DNAJA1: variants seen among roughly 807,000 people sequenced by gnomAD.
DNAJA1 encodes the protein DnaJ heat shock protein family (Hsp40) member A1.
A neutral mutation model predicts 47.6 loss-of-function variants in DNAJA1; 26 were observed. That is an observed-to-expected ratio of 0.55 (90% confidence interval 0.40 to 0.76). The LOEUF (loss-of-function observed/expected upper bound fraction) is 0.76, where lower values mean the gene tolerates loss of function less well. DNAJA1 is among the 30% of genes least tolerant of loss of function. The probability of loss-of-function intolerance (pLI) is 0.00; values close to 1 mark genes in which losing one functional copy is unlikely to be tolerated. For missense variants in DNAJA1, 315 were observed against 485.0 expected (o/e 0.65, Z 3.29); for synonymous variants, 165 against 158.4 (o/e 1.04, Z -0.31).
chr9:33,034,031 T>C (rs1838999790), intron 5 of DNAJA1, among the ~76,000 whole-genome samples, 185 bp from the exon 6 acceptor site: 1 of 152,216 alleles, frequency 6.6e-6, no homozygotes, highest in African/African-American at 2.4e-5. Flanking sequence ...TCTCTTTGCC[T>C]CTGGAGTTTG....
chr9:33,034,386 TGTTTTTTG>T (rs1839004674), intron 6 of DNAJA1, 56 bp downstream of exon 6: 1 of 1,401,720 alleles, frequency 7.1e-7, no homozygotes. Flanking sequence ...TTGTTGGTTT[TGTTTTTTG>T]TTTTTTTGTT....
At chr9:33,027,565 T>G (rs963148293) in intron 3 of DNAJA1, among the ~76,000 whole-genome samples, 2 of 151,778 alleles carry the variant, frequency 1.3e-5, no homozygotes, top group Non-Finnish European at 2.9e-5. Flanking sequence ...AAACAAATTA[T>G]GAGAACAGGC....
At chr9:33,035,923 C>T (rs976912728) in intron 6 of DNAJA1, among the ~76,000 whole-genome samples, 2 of 152,168 alleles carry the variant, frequency 1.3e-5, no homozygotes, top group Admixed American at 6.5e-5. Flanking sequence ...GTTAGAGTCC[C>T]TTTAAATTGG....
chr9:33,037,489 C>T (rs544442852), intron 8 of DNAJA1, among the ~76,000 whole-genome samples: 4 of 152,194 alleles, frequency 2.6e-5, no homozygotes, highest in African/African-American at 9.6e-5. Flanking sequence ...AAAGGCCAGC[C>T]TGGGCAACAT....
At chr9:33,033,536 A>T (rs1838992812) in intron 5 of DNAJA1, among the ~76,000 whole-genome samples, 1 of 148,234 alleles carries the variant, frequency 6.7e-6, no homozygotes, top group African/African-American at 2.5e-5. Context: ...ATCTCTATTA[A>T]AAAAAAAAAA....
intron 1 of DNAJA1, among the ~76,000 whole-genome samples, chr9:33,025,586 T>C (rs927967111): frequency 6.6e-6 from 1 of 152,002 alleles, no homozygotes; most frequent in Non-Finnish European, 1.5e-5. Flanking sequence ...GCCCGAGACC[T>C]TTCCTAGACC....
chr9:33,029,808 C>T (rs1019798400), intron 3 of DNAJA1, 77 bp from the exon 4 acceptor site: 136 of 1,193,646 alleles, frequency 1.1e-4, no homozygotes, highest in Non-Finnish European at 1.6e-4. Flanking sequence ...TTCTTTGCCA[C>T]ATTCTTTATA....
chr9:33,035,753 G>A (rs367615025), intron 6 of DNAJA1, among the ~76,000 whole-genome samples: 3 of 152,026 alleles, frequency 2.0e-5, no homozygotes, highest in African/African-American at 2.4e-5. Context: ...ACAGGCATGA[G>A]CCACCGCGCC....
At chr9:33,025,965 G>C (rs1838827640) in intron 1 of DNAJA1, among the ~76,000 whole-genome samples, 2 of 152,224 alleles carry the variant, frequency 1.3e-5, no homozygotes, top group Admixed American at 6.5e-5. Flanking sequence ...GATTCGGCTG[G>C]AGAAGCTGTA....
chr9:33,030,348 A>G (rs893846857), intron 4 of DNAJA1, 92 bp from the exon 5 acceptor site: 12 of 1,249,638 alleles, frequency 9.6e-6, no homozygotes, highest in African/African-American at 9.1e-5. Flanking sequence ...GAAAATATTA[A>G]AAGTATAGCA....
rs1839031877 is a variant in DNAJA1 at position 33,036,274 on chromosome 9, TTTTC to T, written c.759-299_759-296del. ...CTCACTCTTGTGAGTTGTTTTTTTT[TTTTC>T]CCCTCTGAGAAACCAGATTTAAAAC... On this transcript the variant is annotated intron_variant, in intron 6 of 8. Transcript: ENST00000330899. 7 of 166,412 alleles carry T rather than the reference TTTTC, an allele frequency of 4.2e-5. No individual in the cohort carries two copies. In the South Asian group the frequency reaches 7.1e-4, roughly 17 times the overall value. The allele number at this position is 166,412 out of a possible 1,614,324, so 10.3% of individuals were successfully genotyped here.
chr9:33,031,012 T>G (rs1269468530), intron 5 of DNAJA1, among the ~76,000 whole-genome samples: 4 of 152,236 alleles, frequency 2.6e-5, no homozygotes, highest in African/African-American at 9.6e-5. Context: ...TACACATTCT[T>G]AATTAGGAGT....
chr9:33,030,027 A>G, intron 4 of DNAJA1, 38 bp downstream of exon 4: 1 of 1,577,094 alleles, frequency 6.3e-7, no homozygotes, highest in Non-Finnish European at 8.7e-7. Context: ...TTTGTTTTTA[A>G]GCACCTTTAA....
At chr9:33,033,372 C>T (rs1214013701) in intron 5 of DNAJA1, among the ~76,000 whole-genome samples, 1 of 151,976 alleles carries the variant, frequency 6.6e-6, no homozygotes, top group Admixed American at 6.6e-5. Flanking sequence ...AGTATAATTA[C>T]CCTTTTTTTA....
rs935574676 is a variant in DNAJA1, at chr9:33,030,816, C to G, written c.643+149C>G. On this transcript the variant is annotated intron_variant, in intron 5 of 8. Coordinates refer to ENST00000330899, the MANE Select transcript of DNAJA1 (RefSeq NM_001539.4). ...TCTTAGCAGCTTAGTAAATAATGTT[C>G]TTTTATCCAGACATAATTTTGCACA... 13 of 723,704 alleles carry G rather than the reference C, an allele frequency of 1.8e-5. No homozygotes were observed. In the East Asian group the frequency reaches 3.9e-4, roughly 22 times the overall value. The allele number at this position is 723,704 out of a possible 1,614,324, so 44.8% of individuals were successfully genotyped here. A position where few individuals can be genotyped will look rare whatever the true frequency, so the allele number is the denominator to read the frequency against.
At chr9:33,027,015 A>G (rs765969344) in intron 3 of DNAJA1, 25 bp downstream of exon 3, 5 of 1,613,432 alleles carry the variant, frequency 3.1e-6, no homozygotes, top group African/African-American at 1.3e-5. Flanking sequence ...GTCTTTGTGC[A>G]GCTAACTAAA....
chr9:33,037,425 T>C (rs773142993), intron 8 of DNAJA1: 28 of 199,802 alleles, frequency 1.4e-4, no homozygotes, highest in Non-Finnish European at 2.7e-4. Context: ...CACACACCTA[T>C]AATCCCAGTG....
At chr9:33,029,043 C>T (rs180885302) in intron 3 of DNAJA1, among the ~76,000 whole-genome samples, 1 of 152,196 alleles carries the variant, frequency 6.6e-6, no homozygotes, top group African/African-American at 2.4e-5. Flanking sequence ...TACTTCTAAC[C>T]TCAGTGTCCT....
chr9:33,033,400 A>G (rs541422165), intron 5 of DNAJA1, among the ~76,000 whole-genome samples: 2 of 151,970 alleles, frequency 1.3e-5, no homozygotes, highest in Non-Finnish European at 2.9e-5. Context: ...TATACTGAAT[A>G]GTTCTTTAAA....
Sources: gnomAD v4.1 joint callset for allele counts (sites outside exome capture counted in the v4.1 genomes callset) on GRCh38, gnomAD v4.1.1 for gene constraint, MANE v1.5 for transcripts, NCBI Gene and HGNC (gene_info 2026-07-23, HGNC 2026-07-21) for gene names.